SUPT3H: variants seen among roughly 807,000 people sequenced by gnomAD.
SUPT3H encodes the protein SPT3 homolog, SAGA and STAGA complex component.
SUPT3H carries 44 observed loss-of-function variants against 44.3 expected under a neutral mutation model. That is an observed-to-expected ratio of 0.99 (90% CI 0.78 to 1.28). SUPT3H has a LOEUF of 1.28. SUPT3H is among the 50% of genes most tolerant of loss of function. The probability of loss-of-function intolerance (pLI) is 0.00; values close to 1 mark genes in which losing one functional copy is unlikely to be tolerated. For synonymous variants in SUPT3H, 124 were observed against 125.6 expected, an observed-to-expected ratio of 0.99 and a Z score of 0.09; for missense variants, 380 against 387.1, an observed-to-expected ratio of 0.98 and a Z score of 0.15.
In SUPT3H at chr6:45,096,484, G is replaced by A. The variant is rs138833240; in HGVS notation, c.186+9438C>T. Reference sequence around the variant, plus strand: ...CTAAGCTATCCACAACCTAACAAGTGGAAAAGAGTGGAAGAAGGTGAAATT... The same window carrying A: ...CTAAGCTATCCACAACCTAACAAGTAGAAAAGAGTGGAAGAAGGTGAAATT... On this transcript the variant is annotated intron_variant, in intron 3 of 10. Coordinates refer to ENST00000371459, the MANE Select transcript of SUPT3H (RefSeq NM_003599.4). Among the ~76,000 whole-genome samples the A allele has an allele frequency of 1.4e-3, 213 of 152,176 alleles. 3 individuals carry two copies. The highest frequency in any genetic ancestry group is 5.0e-3 in the African/African-American group (207 of 41,518).
At chr6:44,940,944 T>C (rs1048209984) in intron 9 of SUPT3H, among the ~76,000 whole-genome samples, 1 of 152,270 alleles carries the variant, frequency 6.6e-6, no homozygotes, top group South Asian at 2.1e-4. Flanking sequence ...AGTCCATATA[T>C]GTCTTTATAG....
At chr6:44,838,536 TTAAG>T (rs1770346518) in intron 10 of SUPT3H, among the ~76,000 whole-genome samples, 2 of 152,108 alleles carry the variant, frequency 1.3e-5, no homozygotes, top group Non-Finnish European at 2.9e-5. Flanking sequence ...AAAAAGTGTT[TTAAG>T]TAAGGCCAAG....
chr6:45,200,383 T>C (rs1762290583), intron 2 of SUPT3H, among the ~76,000 whole-genome samples: 3 of 151,544 alleles, frequency 2.0e-5, no homozygotes, highest in Non-Finnish European at 1.5e-5. Flanking sequence ...AAAGCAAGTA[T>C]GACTTATTAC....
chr6:45,150,872 G>A (rs988140392), intron 2 of SUPT3H, among the ~76,000 whole-genome samples: 22 of 151,914 alleles, frequency 1.4e-4, no homozygotes, highest in Non-Finnish European at 2.5e-4. Context: ...ACAGGCGTGC[G>A]CCACCATGCC....
At chr6:45,008,562 C>T (rs535800047) in intron 5 of SUPT3H, among the ~76,000 whole-genome samples, 1 of 151,980 alleles carries the variant, frequency 6.6e-6, no homozygotes, top group Non-Finnish European at 1.5e-5. Flanking sequence ...GCTTTGTTGC[C>T]CAGGCTGGTT....
chr6:44,843,424 C>T (rs953669296), intron 10 of SUPT3H, among the ~76,000 whole-genome samples: 11 of 152,232 alleles, frequency 7.2e-5, no homozygotes, highest in African/African-American at 2.6e-4. Context: ...AAAAGGCATA[C>T]AGATTGGAAG....
At chr6:44,850,713 A>T (rs1772721625) in intron 10 of SUPT3H, among the ~76,000 whole-genome samples, 1 of 152,014 alleles carries the variant, frequency 6.6e-6, no homozygotes, top group South Asian at 2.1e-4. Flanking sequence ...AATCCAGGGA[A>T]GCTGGGCTTA....
At chr6:44,850,469 G>T (rs1407752510) in intron 10 of SUPT3H, among the ~76,000 whole-genome samples, 1 of 152,134 alleles carries the variant, frequency 6.6e-6, no homozygotes, top group African/African-American at 2.4e-5. Context: ...ATAAGAAGCT[G>T]CCACAGAATA....
At chr6:44,893,249 T>TA (rs1291328039) in intron 10 of SUPT3H, among the ~76,000 whole-genome samples, 2 of 152,206 alleles carry the variant, frequency 1.3e-5, no homozygotes, top group Non-Finnish European at 2.9e-5. Flanking sequence ...TATTATACTT[T>TA]AAGTTTTAGG....
intron 10 of SUPT3H, among the ~76,000 whole-genome samples, chr6:44,930,577 A>G (rs1448605819): frequency 6.6e-6 from 1 of 151,444 alleles, no homozygotes; most frequent in African/African-American, 2.4e-5. Context: ...AAAAAAAAAA[A>G]AAAAAAAAAA....
chr6:45,299,768 T>A (rs1019289231), intron 2 of SUPT3H, among the ~76,000 whole-genome samples: 11 of 148,578 alleles, frequency 7.4e-5, no homozygotes, highest in African/African-American at 1.7e-4. Flanking sequence ...AAAAAAAAAA[T>A]TAATTAATTA....
chr6:44,887,602 G>A (rs1181278264), intron 10 of SUPT3H, among the ~76,000 whole-genome samples: 1 of 151,840 alleles, frequency 6.6e-6, no homozygotes. Context: ...CAGAATCTCT[G>A]GGACACATTC....
At chr6:45,026,990 T>G (rs1388899432) in intron 3 of SUPT3H, among the ~76,000 whole-genome samples, 1 of 142,042 alleles carries the variant, frequency 7.0e-6, no homozygotes, top group Non-Finnish European at 1.5e-5. Flanking sequence ...GGATCCTTTT[T>G]TTTTTTTTTT....
intron 3 of SUPT3H, among the ~76,000 whole-genome samples, chr6:45,061,209 A>G (rs1399839038): frequency 6.6e-6 from 1 of 152,208 alleles, no homozygotes; most frequent in African/African-American, 2.4e-5. Context: ...ATGCCCATCA[A>G]TTATACACTG....
intron 2 of SUPT3H, among the ~76,000 whole-genome samples, chr6:45,299,435 G>C (rs150923741): frequency 1.3e-5 from 2 of 151,430 alleles, no homozygotes; most frequent in Non-Finnish European, 2.9e-5. Flanking sequence ...TTTAACAAAA[G>C]AAATCTTAAC....
chr6:44,881,970 A>G (rs1292328162), intron 10 of SUPT3H, among the ~76,000 whole-genome samples: 1 of 152,182 alleles, frequency 6.6e-6, no homozygotes, highest in African/African-American at 2.4e-5. Context: ...CATCACAACT[A>G]AAAGAACTAG....
chr6:44,892,405 G>A (rs1361011022), intron 10 of SUPT3H, among the ~76,000 whole-genome samples: 2 of 152,064 alleles, frequency 1.3e-5, no homozygotes, highest in African/African-American at 2.4e-5. Context: ...AAGAGGGTCC[G>A]TACCAGGAAC....
intron 2 of SUPT3H, chr6:45,328,343 A>C: frequency 7.2e-7 from 1 of 1,379,406 alleles, no homozygotes; most frequent in Non-Finnish European, 9.7e-7. Context: ...CGCCTCACAA[A>C]CAACCACAGA....
intron 10 of SUPT3H, among the ~76,000 whole-genome samples, chr6:44,892,136 T>C (rs746380638): frequency 6.6e-6 from 1 of 152,190 alleles, no homozygotes; most frequent in Admixed American, 6.5e-5. Context: ...CTGGGAGAAC[T>C]GCTATGGACT....
Sources: allele counts gnomAD v4.1 joint callset (sites outside exome capture counted in the v4.1 genomes callset), GRCh38; gene constraint gnomAD v4.1.1; transcripts MANE v1.5; gene names NCBI Gene and HGNC (gene_info 2026-07-23, HGNC 2026-07-21).